NEGR1: variants seen among roughly 807,000 people sequenced by gnomAD.
The protein encoded by NEGR1 is IgLON family member 4.
NEGR1 carries 10 observed loss-of-function variants against 40.9 expected under a neutral mutation model. The ratio of observed to expected loss-of-function variants is 0.24; its 90% CI spans 0.15 to 0.42. The LOEUF (loss-of-function observed/expected upper bound fraction) is 0.42, where lower values mean the gene tolerates loss of function less well. Among genes scored for constraint, NEGR1 ranks in the 10% least tolerant of loss-of-function variants. The pLI is 1.00. For missense variants in NEGR1, 352 were observed against 438.9 expected, an observed-to-expected ratio of 0.80 and a Z score of 1.77; for synonymous variants, 185 against 166.8, an observed-to-expected ratio of 1.11 and a Z score of -0.84.
intron 6 of NEGR1, among the ~76,000 whole-genome samples, chr1:71,449,085 G>A (rs1052380862): frequency 6.6e-6 from 1 of 152,118 alleles, no homozygotes; most frequent in Admixed American, 6.5e-5. Flanking sequence ...CTACCCATAG[G>A]AAGTAATAGA....
At chr1:71,507,215 G>A (rs1056140654) in intron 6 of NEGR1, among the ~76,000 whole-genome samples, 1 of 152,178 alleles carries the variant, frequency 6.6e-6, no homozygotes, top group African/African-American at 2.4e-5. Flanking sequence ...CCTCCTGAAG[G>A]CAAAAATTAG....
chr1:71,510,107 T>C (rs1444601855), intron 6 of NEGR1, among the ~76,000 whole-genome samples: 1 of 152,206 alleles, frequency 6.6e-6, no homozygotes, highest in Non-Finnish European at 1.5e-5. Flanking sequence ...AAGGTTGGTT[T>C]GGAAAATAAA....
chr1:72,118,318 T>C (rs1649659152), intron 1 of NEGR1, among the ~76,000 whole-genome samples: 1 of 151,834 alleles, frequency 6.6e-6, no homozygotes, highest in African/African-American at 2.4e-5. Flanking sequence ...TCCTCAGTCT[T>C]TCTTCAATTT....
At chr1:72,179,352 A>T (rs1413654240) in intron 1 of NEGR1, among the ~76,000 whole-genome samples, 1 of 151,806 alleles carries the variant, frequency 6.6e-6, no homozygotes, top group Non-Finnish European at 1.5e-5. Context: ...CACCTGTTCC[A>T]TTGCTTTATG....
chr1:71,416,868 G>T (rs1236638083), intron 6 of NEGR1, among the ~76,000 whole-genome samples: 3 of 152,134 alleles, frequency 2.0e-5, no homozygotes, highest in African/African-American at 7.2e-5. Context: ...AACAGTACTC[G>T]TATATCAGTG....
chr1:71,764,840 T>A lies in NEGR1; in HGVS notation c.535+11332A>T, dbSNP rs139216632. Among the ~76,000 whole-genome samples, 568 of 152,354 alleles carry A rather than the reference T, an allele frequency of 3.7e-3. 2 individuals carry two copies. Among genetic ancestry groups the A allele is most frequent in the African/African-American group, 0.013 (537 of 41,578 alleles). On this transcript the variant is annotated intron_variant, in intron 3 of 6. Transcript: ENST00000357731. ...GCTTGATAATGGGTGCCTCATGAGC[T>A]GATCGAAAATCAGAAAAATAGTTGT... is the stretch of plus-strand genomic sequence containing the variant.
At chr1:72,255,599 G>A (rs1557600611) in intron 1 of NEGR1, among the ~76,000 whole-genome samples, 2 of 145,444 alleles carry the variant, frequency 1.4e-5, no homozygotes, top group Non-Finnish European at 3.0e-5. Context: ...GCCCAGGCTG[G>A]AGTGCAGTGG....
At chr1:72,243,374 G>T (rs936848625) in intron 1 of NEGR1, among the ~76,000 whole-genome samples, 1 of 151,758 alleles carries the variant, frequency 6.6e-6, no homozygotes, top group Non-Finnish European at 1.5e-5. Context: ...CTATCTCATA[G>T]GTTTGTTTTG....
chr1:72,278,901 AT>A (rs1371465415), intron 1 of NEGR1, among the ~76,000 whole-genome samples: 3 of 152,116 alleles, frequency 2.0e-5, no homozygotes, highest in African/African-American at 7.2e-5. Context: ...GACATCATAT[AT>A]TTTTTAAATA....
intron 6 of NEGR1, among the ~76,000 whole-genome samples, chr1:71,466,501 A>G (rs1339418820): frequency 6.6e-6 from 1 of 152,080 alleles, no homozygotes; most frequent in Non-Finnish European, 1.5e-5. Flanking sequence ...TTAGAATATG[A>G]TATGCACTAT....
Position 71,739,863 on chromosome 1 carries a change from A to C in NEGR1, c.535+36309T>G, listed in dbSNP as rs182598478. ...TATTAATTTGCCAAAAATATTTAATAGCTTTTAAGTTTTATTTAATAAAAA... is the reference window on the plus strand; with the variant it reads ...TATTAATTTGCCAAAAATATTTAATCGCTTTTAAGTTTTATTTAATAAAAA... On this transcript the variant is annotated intron_variant, in intron 3 of 6. Coordinates refer to ENST00000357731, the MANE Select transcript of NEGR1 (RefSeq NM_173808.3). Among the ~76,000 whole-genome samples, 174 of 152,322 alleles carry C rather than the reference A, an allele frequency of 1.1e-3. 1 individual carries two copies. Among genetic ancestry groups the C allele is most frequent in the Non-Finnish European group, 8.8e-5 (6 of 68,028 alleles).
chr1:71,777,761 AG>A (rs936296643), intron 2 of NEGR1, among the ~76,000 whole-genome samples: 1 of 152,058 alleles, frequency 6.6e-6, no homozygotes, highest in African/African-American at 2.4e-5. Context: ...AAGAAAATCA[AG>A]AATGATATAA....
intron 1 of NEGR1, among the ~76,000 whole-genome samples, chr1:72,104,624 T>C (rs1649064657): frequency 6.6e-6 from 1 of 152,174 alleles, no homozygotes; most frequent in Non-Finnish European, 1.5e-5. Flanking sequence ...TGTAGTAATA[T>C]GCTACACAAC....
chr1:71,980,962 C>T (rs1646349460), intron 1 of NEGR1, among the ~76,000 whole-genome samples: 1 of 152,118 alleles, frequency 6.6e-6, no homozygotes, highest in Non-Finnish European at 1.5e-5. Flanking sequence ...AAAGTTTTCC[C>T]AAACTCTGAA....
chr1:71,528,831 C>T (rs755756232), intron 6 of NEGR1, among the ~76,000 whole-genome samples: 16 of 151,168 alleles, frequency 1.1e-4, no homozygotes, highest in African/African-American at 2.4e-4. Flanking sequence ...TGACTGTCAA[C>T]GGGAACTAGA....
chr1:72,100,341 C>T (rs1648886684), intron 1 of NEGR1, among the ~76,000 whole-genome samples: 1 of 152,166 alleles, frequency 6.6e-6, no homozygotes, highest in South Asian at 2.1e-4. Context: ...TTGATTTTCT[C>T]TGATTTCAGT....
intron 1 of NEGR1, among the ~76,000 whole-genome samples, chr1:72,039,742 T>C (rs77413021): frequency 1.7e-3 from 265 of 152,114 alleles, no homozygotes; most frequent in Non-Finnish European, 2.8e-3. Flanking sequence ...ACTAGTTTCT[T>C]GTATTAAGTG....
intron 6 of NEGR1, among the ~76,000 whole-genome samples, chr1:71,551,553 A>T (rs1648076475): frequency 6.6e-6 from 1 of 151,652 alleles, no homozygotes; most frequent in Non-Finnish European, 1.5e-5. Flanking sequence ...TAGGTAAATT[A>T]TTTAACTTTG....
intron 3 of NEGR1, among the ~76,000 whole-genome samples, chr1:71,704,134 A>G (rs576020518): frequency 1.1e-3 from 161 of 150,130 alleles, no homozygotes; most frequent in African/African-American, 3.9e-3. Context: ...AAGCCAAGAG[A>G]AAATAGAATC....
Sources: allele counts gnomAD v4.1 joint callset (sites outside exome capture counted in the v4.1 genomes callset), GRCh38; gene constraint gnomAD v4.1.1; transcripts MANE v1.5; gene names NCBI Gene and HGNC (gene_info 2026-07-23, HGNC 2026-07-21).